The following TMEM38A variants were observed in gnomAD, a reference collection of about 807,000 sequenced individuals.
TMEM38A encodes the protein trimeric intracellular cation channel type A.
In TMEM38A, 17 loss-of-function variants were observed where a neutral mutation model predicts 28.6. That is an observed-to-expected ratio of 0.60 (90% CI 0.41 to 0.89). The LOEUF is 0.89. Ranked by LOEUF, TMEM38A falls within the 40% of genes least tolerant of loss-of-function variation. The pLI is 0.00. For missense variants in TMEM38A, 328 were observed against 393.1 expected (o/e 0.83, Z 1.40); for synonymous variants, 169 against 166.1 (o/e 1.02, Z -0.14).
chr19:16,686,224 G>T, intron 4 of TMEM38A, 64 bp from the exon 5 acceptor site: 2 of 1,283,246 alleles, frequency 1.6e-6, no homozygotes, highest in Non-Finnish European at 1.1e-6. Flanking sequence ...GGGGTGTCTG[G>T]GCCAGAGTTA....
rs762325748 is a variant in TMEM38A, at chr19:16,680,004, C to T, written c.145C>T (p.Arg49Cys). 29 of 1,607,762 alleles carry T rather than the reference C, an allele frequency of 1.8e-5. No homozygotes were observed. Among genetic ancestry groups the T allele is most frequent in the East Asian group, 2.2e-5 (1 of 44,876 alleles). Residue 49 changes from arginine (R) to cysteine (C), a missense_variant, in exon 2 of 6, where the codon CGC (arginine) becomes TGC (cysteine). Arg to Cys is a radical substitution (Grantham distance 180). Coordinates refer to ENST00000187762, the MANE Select transcript of TMEM38A (RefSeq NM_024074.4). ...YEPGAVELSRRHPIASWLCAM... is the reference protein window; with the variant it reads ...YEPGAVELSRCHPIASWLCAM... ...CCCAGGAGCAGTCGAACTGTCCCGG[C>T]GCCACCCCATCGCGTCCTGGCTGTG...
chr19:16,671,698 G>A (rs2086728218), intron 1 of TMEM38A, among the ~76,000 whole-genome samples: 1 of 152,184 alleles, frequency 6.6e-6, no homozygotes, highest in Non-Finnish European at 1.5e-5. Context: ...CGAAAGTGCT[G>A]GGATTACGGG....
intron 1 of TMEM38A, among the ~76,000 whole-genome samples, chr19:16,668,174 A>C (rs1411506761): frequency 6.6e-6 from 1 of 152,026 alleles, no homozygotes; most frequent in Non-Finnish European, 1.5e-5. Context: ...ATGCCATTGC[A>C]CTCCAACCTG....
intron 1 of TMEM38A, among the ~76,000 whole-genome samples, chr19:16,679,438 G>C (rs566323879): frequency 6.6e-6 from 1 of 152,180 alleles, no homozygotes; most frequent in African/African-American, 2.4e-5. Context: ...TGGGATTACA[G>C]GCATGCACTA....
intron 1 of TMEM38A, among the ~76,000 whole-genome samples, chr19:16,679,128 G>A (rs1318066271): frequency 6.8e-6 from 1 of 146,318 alleles, no homozygotes; most frequent in Non-Finnish European, 1.5e-5. Context: ...CAGCCTGGGT[G>A]ACAGAGTGAC....
At chr19:16,672,215 TAA>T (rs948829146) in intron 1 of TMEM38A, among the ~76,000 whole-genome samples, 2 of 151,968 alleles carry the variant, frequency 1.3e-5, no homozygotes, top group African/African-American at 4.8e-5. Flanking sequence ...CTTTGTTTTT[TAA>T]AAAAAGAGAT....
chr19:16,671,237 A>C (rs1224772219), intron 1 of TMEM38A, among the ~76,000 whole-genome samples: 1 of 100,620 alleles, frequency 9.9e-6, no homozygotes. Flanking sequence ...GCGGAGTCTC[A>C]CTCTGTCACT....
intron 1 of TMEM38A, among the ~76,000 whole-genome samples, chr19:16,676,446 T>C (rs2086751856): frequency 6.6e-6 from 1 of 152,144 alleles, no homozygotes; most frequent in Non-Finnish European, 1.5e-5. Flanking sequence ...TAAGTTGTAT[T>C]AGGGGAATCG....
At position 16,661,765 on chromosome 19, in the gene TMEM38A, T is replaced by C. The variant is rs1375516566; in HGVS notation, c.124+424T>C. On this transcript the variant is annotated intron_variant, in intron 1 of 5. Coordinates refer to ENST00000187762, the MANE Select transcript of TMEM38A (RefSeq NM_024074.4). This position sits in a 1 kb window ranked among gnomAD's most constrained non-coding sequence, Gnocchi z 6.5. ...ACGCGGATTGAGAGCGCCAGCGGAG[T>C]GTCTATAAGGGCCACTGCGCTGGGG... is the stretch of plus-strand genomic sequence containing the variant. Among the ~76,000 whole-genome samples, 2 of 117,958 alleles carry C rather than the reference T, an allele frequency of 1.7e-5. No homozygotes were observed. Among genetic ancestry groups the C allele is most frequent in the Non-Finnish European group, 3.1e-5 (2 of 65,570 alleles). 77.4% of individuals were successfully genotyped at this position (117,958 alleles called of 152,430 possible).
intron 1 of TMEM38A, among the ~76,000 whole-genome samples, chr19:16,678,347 T>G (rs1393555387): frequency 6.8e-6 from 1 of 147,780 alleles, no homozygotes; most frequent in Non-Finnish European, 1.5e-5. Context: ...GAGAATCACT[T>G]GAACCCGGGA....
intron 1 of TMEM38A, among the ~76,000 whole-genome samples, chr19:16,675,526 G>A (rs1208145245): frequency 7.0e-6 from 1 of 142,906 alleles, no homozygotes; most frequent in Non-Finnish European, 1.5e-5. Context: ...GAGTCACCAC[G>A]CCTGGCCTCT....
In TMEM38A at chr19:16,672,014, T is replaced by C. The variant is rs28718512; in HGVS notation, c.125-7970T>C. Among the ~76,000 whole-genome samples, 559 of 152,280 alleles carry C rather than the reference T, an allele frequency of 3.7e-3. 7 individuals carry two copies. The highest frequency in any genetic ancestry group is 0.013 in the African/African-American group (534 of 41,560). ...GATTAACTCTCAGCCAGTTGTGTTTTAAATAGACCCTAGGAGAGGAGCTGA... is the reference window on the plus strand; with the variant it reads ...GATTAACTCTCAGCCAGTTGTGTTTCAAATAGACCCTAGGAGAGGAGCTGA... On this transcript the variant is annotated intron_variant, in intron 1 of 5. Coordinates refer to ENST00000187762, the MANE Select transcript of TMEM38A (RefSeq NM_024074.4).
intron 4 of TMEM38A, among the ~76,000 whole-genome samples, chr19:16,683,901 C>T (rs1053183036): frequency 1.3e-5 from 2 of 151,162 alleles, no homozygotes; most frequent in Non-Finnish European, 2.9e-5. Flanking sequence ...ATCTGGGAGG[C>T]GGAGGTTGCA....
chr19:16,669,895 C>T (rs2086719084), intron 1 of TMEM38A, among the ~76,000 whole-genome samples: 1 of 152,108 alleles, frequency 6.6e-6, no homozygotes, highest in South Asian at 2.1e-4. Context: ...GACTTAGGGA[C>T]CCAAAGCTTT....
chr19:16,670,880 A>G (rs947940608), intron 1 of TMEM38A, among the ~76,000 whole-genome samples: 4 of 152,090 alleles, frequency 2.6e-5, no homozygotes, highest in African/African-American at 9.7e-5. Context: ...TGGAGGTTGC[A>G]TCAAGCCAAG....
intron 3 of TMEM38A, 49 bp from the exon 4 acceptor site, chr19:16,682,372 A>G: frequency 6.7e-7 from 1 of 1,494,452 alleles, no homozygotes; most frequent in Non-Finnish European, 9.3e-7. Flanking sequence ...AACAAGAGGA[A>G]AGGAGACCTG....
chr19:16,689,966 C>G lies in TMEM38A; in HGVS notation c.*1595C>G, dbSNP rs1282619644. On this transcript the variant is annotated 3_prime_UTR_variant, in exon 6 of 6. Coordinates refer to ENST00000187762, the MANE Select transcript of TMEM38A (RefSeq NM_024074.4). ...GTGGGTCCTGGGGAGGTTTCATCCTCTTGCTTGTCCACCTCAGCTCGGTGT... is the reference window on the plus strand; with the variant it reads ...GTGGGTCCTGGGGAGGTTTCATCCTGTTGCTTGTCCACCTCAGCTCGGTGT... 6.6e-6 allele frequency: 1 copy of G among 152,192 alleles called. No individual in the cohort carries two copies. The highest frequency in any genetic ancestry group is 1.9e-4 in the East Asian group (1 of 5,190). The allele number at this position is 152,192 out of a possible 1,614,324, so 9.4% of individuals were successfully genotyped here.
rs755236542 is a variant in TMEM38A, at chr19:16,661,187, G to A, written c.-31G>A. The stretch of plus-strand genomic sequence containing the variant: ...GGGACGGACGAGGCCGGGGCCCCGG[G>A]TGGCACCCGGCAGGCGGGCAGGCGG... On this transcript the variant is annotated 5_prime_UTR_variant, in exon 1 of 6. The change creates a new upstream start codon in the 5' untranslated region. Coordinates refer to ENST00000187762, the MANE Select transcript of TMEM38A (RefSeq NM_024074.4). This position sits in a 1 kb window ranked among gnomAD's most constrained non-coding sequence, Gnocchi z 6.5. The A allele has an allele frequency of 6.0e-6, 8 of 1,338,470 alleles. No individual in the cohort carries two copies. The highest frequency in any genetic ancestry group is 6.8e-6 in the Non-Finnish European group (7 of 1,030,732). 82.9% of individuals were successfully genotyped at this position (1,338,470 alleles called of 1,614,324 possible). A position where few individuals can be genotyped will look rare whatever the true frequency, so the allele number is the denominator to read the frequency against.
chr19:16,666,130 G>T (rs964175483), intron 1 of TMEM38A, among the ~76,000 whole-genome samples: 1 of 151,954 alleles, frequency 6.6e-6, no homozygotes, highest in African/African-American at 2.4e-5. Flanking sequence ...ACAGACACGC[G>T]CCACCATGCC....
Sources: allele counts gnomAD v4.1 joint callset (sites outside exome capture counted in the v4.1 genomes callset), GRCh38; gene constraint gnomAD v4.1.1; non-coding constraint Gnocchi (gnomAD v3.1); transcripts MANE v1.5; gene names NCBI Gene and HGNC (gene_info 2026-07-23, HGNC 2026-07-21).